TTC8: variants seen among roughly 807,000 people sequenced by gnomAD.
The protein encoded by TTC8 is tetratricopeptide repeat domain 8.
A neutral mutation model predicts 72.5 loss-of-function variants in TTC8; 47 were observed. That is an observed-to-expected ratio of 0.65 (90% CI 0.51 to 0.83). The LOEUF is 0.83. Among genes scored for constraint, TTC8 ranks in the 40% least tolerant of loss-of-function variants. The pLI, the probability that TTC8 is intolerant of heterozygous loss-of-function variation, is 0.00. For synonymous variants in TTC8, 199 were observed against 221.4 expected (o/e 0.90, Z 0.90); for missense variants, 611 against 623.2 (o/e 0.98, Z 0.21).
rs1288931313 is a variant in TTC8 at position 88,872,317 on chromosome 14, C to T, written c.1225-13C>T. The T allele has an allele frequency of 6.2e-7, 1 of 1,613,452 alleles. No individual in the cohort carries two copies. The highest frequency in any genetic ancestry group is 1.7e-4 in the Middle Eastern group (1 of 6,058). On this transcript the variant is annotated splice_polypyrimidine_tract_variant and intron_variant, in intron 12 of 14. Transcript: ENST00000380656. ...ACGGACCCATGGGTGTGAACATAGG[C>T]TTTCTTTTGTAGGGAATAGGAGATA...
At chr14:88,838,393 C>T (rs763171271) in intron 2 of TTC8, among the ~76,000 whole-genome samples, 108 of 152,116 alleles carry the variant, frequency 7.1e-4, no homozygotes, top group Non-Finnish European at 1.4e-3. Flanking sequence ...TACGTGGGGA[C>T]TTTCTGGACC....
chr14:88,858,227 T>A (rs2094866448), intron 9 of TTC8, among the ~76,000 whole-genome samples: 1 of 152,148 alleles, frequency 6.6e-6, no homozygotes, highest in African/African-American at 2.4e-5. Context: ...CTCCTTAAAG[T>A]GCTGGGGTTA....
At chr14:88,857,734 T>C (rs1364534472) in intron 9 of TTC8, among the ~76,000 whole-genome samples, 1 of 152,194 alleles carries the variant, frequency 6.6e-6, no homozygotes, top group Admixed American at 6.5e-5. Context: ...TCATGTTCAT[T>C]ATATATACAG....
chr14:88,879,605 T>C (rs894420390), downstream of TTC8: 1 of 151,616 alleles, frequency 6.6e-6, no homozygotes, highest in African/African-American at 2.4e-5. Flanking sequence ...CAGGATACAA[T>C]TTATGGCCTA....
intron 10 of TTC8, among the ~76,000 whole-genome samples, chr14:88,866,358 A>G (rs1225989295): frequency 6.6e-6 from 1 of 150,642 alleles, no homozygotes; most frequent in East Asian, 1.9e-4. Flanking sequence ...CATTGCTTAA[A>G]AATTGCTGAA....
In TTC8 at chr14:88,844,650, T is replaced by G. The variant is rs112043669; in HGVS notation, c.624+800T>G. Reference sequence around the variant, plus strand: ...GCCTTGACTTCCCAGGCTCAGGCGATCCTCCCATCTCAGCCTCCCAAGTAG... The same window carrying G: ...GCCTTGACTTCCCAGGCTCAGGCGAGCCTCCCATCTCAGCCTCCCAAGTAG... On this transcript the variant is annotated intron_variant, in intron 7 of 14. Coordinates refer to ENST00000380656, the MANE Select transcript of TTC8 (RefSeq NM_144596.4). 8.7e-3 allele frequency among the ~76,000 whole-genome samples: 1,318 copies of G among 151,988 alleles called. 16 individuals carry two copies. The highest frequency in any genetic ancestry group is 0.03 in the African/African-American group (1,261 of 41,440).
intron 6 of TTC8, among the ~76,000 whole-genome samples, chr14:88,842,271 A>C (rs1324688815): frequency 6.6e-6 from 1 of 152,194 alleles, no homozygotes; most frequent in African/African-American, 2.4e-5. Context: ...TCCTAATCTC[A>C]GTTCTAATGG....
At chr14:88,828,811 T>A (rs1427641175) in intron 1 of TTC8, among the ~76,000 whole-genome samples, 1 of 152,210 alleles carries the variant, frequency 6.6e-6, no homozygotes, top group Non-Finnish European at 1.5e-5. Flanking sequence ...CCTCTAAGAC[T>A]ATTTATATGC....
intron 1 of TTC8, 59 bp downstream of exon 1, chr14:88,824,880 C>A: frequency 6.8e-7 from 1 of 1,473,422 alleles, no homozygotes; most frequent in Non-Finnish European, 9.4e-7. Flanking sequence ...GGGTCTGGGG[C>A]ATATCCCAGC....
Position 88,835,638 on chromosome 14 carries a change from C to T in TTC8, c.144+1916C>T, listed in dbSNP as rs1595934215. 4.6e-5 allele frequency among the ~76,000 whole-genome samples: 7 copies of T among 152,030 alleles called. No individual in the cohort carries two copies. In the East Asian group the frequency reaches 1.3e-3, roughly 29 times the overall value. On this transcript the variant is annotated intron_variant, in intron 2 of 14. Transcript: ENST00000380656. ...TATTTTTTAAAAACTGTGTGACCCT[C>T]CCATTTGTTAATAAGTAAACATATC...
intron 1 of TTC8, among the ~76,000 whole-genome samples, chr14:88,825,849 A>G (rs1375406139): frequency 6.6e-6 from 1 of 152,228 alleles, no homozygotes; most frequent in African/African-American, 2.4e-5. Flanking sequence ...TGTCTTTCAG[A>G]TAGTACATCT....
At chr14:88,874,247 T>G (rs191760029) in intron 13 of TTC8, among the ~76,000 whole-genome samples, 13 of 152,342 alleles carry the variant, frequency 8.5e-5, no homozygotes, top group African/African-American at 3.1e-4. Flanking sequence ...ATTAGCTTGA[T>G]ATCATTTTGT....
At chr14:88,874,070 A>G (rs2094946763) in intron 13 of TTC8, among the ~76,000 whole-genome samples, 1 of 152,218 alleles carries the variant, frequency 6.6e-6, no homozygotes, top group Non-Finnish European at 1.5e-5. Context: ...CTGTATTCAT[A>G]TGGTGAAACA....
intron 9 of TTC8, 59 bp downstream of exon 9, chr14:88,857,336 GC>G: frequency 7.2e-7 from 1 of 1,387,882 alleles, no homozygotes; most frequent in Non-Finnish European, 1.0e-6. Context: ...TTAAATTCTG[GC>G]CATTGCATGG....
At chr14:88,837,584 A>G (rs972196649) in intron 2 of TTC8, among the ~76,000 whole-genome samples, 1 of 152,240 alleles carries the variant, frequency 6.6e-6, no homozygotes, top group Non-Finnish European at 1.5e-5. Flanking sequence ...AAAATGCTGT[A>G]GTCCTTCCTG....
intron 3 of TTC8, 54 bp from the exon 4 acceptor site, chr14:88,840,810 GT>G: frequency 1.9e-6 from 3 of 1,558,656 alleles, no homozygotes; most frequent in Non-Finnish European, 2.6e-6. Flanking sequence ...TTAGCTTACA[GT>G]TTTTACAGAT....
At position 88,853,163 on chromosome 14, in the gene TTC8, T is replaced by C. The variant is rs1419122173; in HGVS notation, c.710+107T>C. 4.1e-5 allele frequency: 32 copies of C among 784,966 alleles called. No individual in the cohort carries two copies. The East Asian group carries it at 8.4e-4, about 21-fold the overall frequency. 48.6% of individuals were successfully genotyped at this position (784,966 alleles called of 1,614,324 possible). On this transcript the variant is annotated intron_variant, in intron 8 of 14. Coordinates refer to ENST00000380656, the MANE Select transcript of TTC8 (RefSeq NM_144596.4). ...GATTTTCCCATGAAGAAATGAGAAC[T>C]GTGTCTTTGACTTACTTGATAAAGC...
At chr14:88,826,038 A>AGT (rs2094698560) in intron 1 of TTC8, among the ~76,000 whole-genome samples, 1 of 151,540 alleles carries the variant, frequency 6.6e-6, no homozygotes, top group Non-Finnish European at 1.5e-5. Context: ...GCTGGAGTGC[A>AGT]GTGGCACGGC....
upstream of TTC8, chr14:88,824,345 T>C (rs2094688196): frequency 7.3e-6 from 2 of 275,032 alleles, no homozygotes; most frequent in South Asian, 4.2e-5. Context: ...CTTCCGGACC[T>C]GCAGGGCAGG....
Sources: allele counts gnomAD v4.1 joint callset (sites outside exome capture counted in the v4.1 genomes callset), GRCh38; gene constraint gnomAD v4.1.1; transcripts MANE v1.5; gene names NCBI Gene and HGNC (gene_info 2026-07-23, HGNC 2026-07-21).